The following KIF1A variants were observed in gnomAD, a reference collection of about 807,000 sequenced individuals.
KIF1A encodes the protein kinesin family member 1A.
A neutral mutation model predicts 227.3 loss-of-function variants in KIF1A; 46 were observed. That is an observed-to-expected ratio of 0.20 (90% CI 0.16 to 0.26). The LOEUF is 0.26. Among genes scored for constraint, KIF1A ranks in the 10% least tolerant of loss-of-function variants. The pLI, the probability that KIF1A is intolerant of heterozygous loss-of-function variation, is 1.00. For missense variants in KIF1A, 1,683 were observed against 2,485.9 expected, an observed-to-expected ratio of 0.68 and a Z score of 6.87; for synonymous variants, 1,022 against 1,012.8, an observed-to-expected ratio of 1.01 and a Z score of -0.17.
chr2:240,756,441 G>C (rs1273618033), intron 27 of KIF1A, among the ~76,000 whole-genome samples: 1 of 152,218 alleles, frequency 6.6e-6, no homozygotes, highest in Non-Finnish European at 1.5e-5. Context: ...AAATCTGCCA[G>C]CAGGGTGGGA....
At chr2:240,769,273 G>A in intron 16 of KIF1A, 65 bp from the exon 17 acceptor site, 2 of 1,428,098 alleles carry the variant, frequency 1.4e-6, no homozygotes, top group Non-Finnish European at 1.9e-6. Context: ...CTCAGCCCTG[G>A]CTGACCAATG....
intron 42 of KIF1A, among the ~76,000 whole-genome samples, chr2:240,722,984 G>A (rs781508853): frequency 6.6e-6 from 1 of 152,190 alleles, no homozygotes; most frequent in Non-Finnish European, 1.5e-5. Flanking sequence ...GGAGAGGGCC[G>A]AGGGGTGGGC....
intron 38 of KIF1A, chr2:240,734,615 G>T: frequency 1.3e-6 from 1 of 753,368 alleles, no homozygotes; most frequent in Non-Finnish European, 2.1e-6. Context: ...CCAGGAAGCT[G>T]GAAGTTAACT....
Position 240,763,348 on chromosome 2 carries a change from TGGG to T in KIF1A, c.1769-5_1769-3del. On this transcript the variant is annotated splice_polypyrimidine_tract_variant and splice_region_variant and intron_variant, in intron 20 of 48. Transcript: ENST00000498729. ...TCTTACCCATGATGATGCGGTTTCC[TGGG>T]GAACAGAGGGACAGGTGGCCTTGAG... The T allele has an allele frequency of 1.3e-6, 2 of 1,569,850 alleles. No homozygotes were observed. Among genetic ancestry groups the T allele is most frequent in the Non-Finnish European group, 1.7e-6 (2 of 1,158,420 alleles).
At chr2:240,781,810 C>T (rs2054065625) in intron 10 of KIF1A, 1 of 985,248 alleles carries the variant, frequency 1.0e-6, no homozygotes, top group Non-Finnish European at 1.2e-6. Context: ...GGGTTCGCCA[C>T]ACCGTTCTCC....
Position 240,763,191 on chromosome 2 carries a change from C to T in KIF1A, c.1924G>A (p.Asp642Asn). The T allele has an allele frequency of 6.2e-7, 1 of 1,611,964 alleles. No homozygotes were observed. Among genetic ancestry groups the T allele is most frequent in the Non-Finnish European group, 8.5e-7 (1 of 1,179,770 alleles). The change falls in exon 21 of 49, where the codon GAC becomes AAC. Residue 642 changes from aspartate (D) to asparagine (N), a missense_variant. Transcript: ENST00000498729. ...CTCTGCTCCATCTCCTGCTTCATGT[C>T]GATGCCCTGCTTCTCCAGCAGCTCA... is the stretch of plus-strand genomic sequence containing the variant. ...QRELLEKQGIDMKQEMEQRLQ... is the reference protein window; with the variant it reads ...QRELLEKQGINMKQEMEQRLQ...
chr2:240,796,946 T>C (rs2056468418), intron 2 of KIF1A, among the ~76,000 whole-genome samples: 1 of 152,160 alleles, frequency 6.6e-6, no homozygotes, highest in African/African-American at 2.4e-5. Flanking sequence ...GCATGTCGGA[T>C]GGGTGCACGG....
intron 2 of KIF1A, among the ~76,000 whole-genome samples, chr2:240,795,949 T>C (rs1237652581): frequency 2.6e-5 from 4 of 152,208 alleles, no homozygotes; most frequent in Non-Finnish European, 5.9e-5. Flanking sequence ...GTGCCAACCA[T>C]GGAGTTCCCC....
At position 240,757,760 on chromosome 2, in the gene KIF1A, G is replaced by A. The variant is rs1575582506; in HGVS notation, c.2583-166C>T. Among the ~76,000 whole-genome samples the A allele has an allele frequency of 2.0e-5, 3 of 152,192 alleles. No homozygotes were observed. The highest frequency in any genetic ancestry group is 3.9e-4 in the East Asian group (2 of 5,172). On this transcript the variant is annotated intron_variant, in intron 26 of 48. Transcript: ENST00000498729. This position sits in a 1 kb window ranked among gnomAD's most constrained non-coding sequence, Gnocchi z 6.2. ...TGAGAGAACCAAAACTGTGCCCCCA[G>A]GCTTGGAAAGAAATCACATGTATGG... is the stretch of plus-strand genomic sequence containing the variant.
chr2:240,813,042 T>TCACCTCAGG (rs1553642834), intron 1 of KIF1A, among the ~76,000 whole-genome samples: 3 of 149,956 alleles, frequency 2.0e-5, no homozygotes, highest in Admixed American at 6.6e-5. Flanking sequence ...AGGATCCACT[T>TCACCTCAGG]GCTCCCAGTT....
In KIF1A at chr2:240,781,698, A is replaced by T; in HGVS notation, c.882+892T>A. The T allele has an allele frequency of 4.3e-6, 4 of 927,606 alleles. No individual in the cohort carries two copies. The South Asian group carries it at 2.0e-4, about 46-fold the overall frequency. 57.5% of individuals were successfully genotyped at this position (927,606 alleles called of 1,614,324 possible). A position where few individuals can be genotyped will look rare whatever the true frequency, so the allele number is the denominator to read the frequency against. On this transcript the variant is annotated intron_variant, in intron 10 of 48. Transcript: ENST00000498729. ...TCCTCCGTCTCCCGCAGTCCCACGC[A>T]GTGTCCTGTGCCGTTTCCCACACGC... is the stretch of plus-strand genomic sequence containing the variant.
rs1024681683 is a variant in KIF1A at position 240,736,459 on chromosome 2, G to A, written c.4007+604C>T. Among the ~76,000 whole-genome samples the A allele has an allele frequency of 6.6e-6, 1 of 152,098 alleles. No homozygotes were observed. The highest frequency in any genetic ancestry group is 2.4e-5 in the African/African-American group (1 of 41,438). ...CCACCTGCCCAGGCCAACCGCAGGG[G>A]CTGCCTCCCTCTCCCATCCCCTAAC... is the stretch of plus-strand genomic sequence containing the variant. On this transcript the variant is annotated intron_variant, in intron 38 of 48. Coordinates refer to ENST00000498729, the MANE Select transcript of KIF1A (RefSeq NM_001244008.2). The surrounding 1 kb of genome is among the most constrained non-coding windows in gnomAD (Gnocchi z 4.7).
At chr2:240,783,664 C>T in intron 8 of KIF1A, 75 bp downstream of exon 8, 4 of 1,240,730 alleles carry the variant, frequency 3.2e-6, no homozygotes, top group African/African-American at 3.0e-5. Context: ...GGGACCCCAA[C>T]AGAGCCCTCC....
At chr2:240,818,341 C>A (rs1314274217) in intron 1 of KIF1A, among the ~76,000 whole-genome samples, 1 of 152,218 alleles carries the variant, frequency 6.6e-6, no homozygotes, top group Non-Finnish European at 1.5e-5. Flanking sequence ...CCACGCTGGG[C>A]CCCTCAGCCA....
At position 240,715,062 on chromosome 2, in the gene KIF1A, T is replaced by A. The variant is rs2044485092; in HGVS notation, c.*2302A>T. 1 of 152,300 alleles carries A rather than the reference T, an allele frequency of 6.6e-6. No homozygotes were observed. Among genetic ancestry groups the A allele is most frequent in the African/African-American group, 2.4e-5 (1 of 41,440 alleles). 9.4% of individuals were successfully genotyped at this position (152,300 alleles called of 1,614,324 possible). Reference sequence around the variant, plus strand: ...ACAGCCTCAGGCTGGCTGACCTGAGTTGGCCGTGGCAGGGCCTGTGCCTCC... The same window carrying A: ...ACAGCCTCAGGCTGGCTGACCTGAGATGGCCGTGGCAGGGCCTGTGCCTCC... On this transcript the variant is annotated 3_prime_UTR_variant, in exon 49 of 49. Transcript: ENST00000498729.
chr2:240,743,607 C>T (rs2048250805), intron 33 of KIF1A, among the ~76,000 whole-genome samples: 1 of 152,174 alleles, frequency 6.6e-6, no homozygotes, highest in Non-Finnish European at 1.5e-5. Context: ...GGCCCCTTTC[C>T]TGGGGTCCTC....
chr2:240,760,398 G>A (rs1445264331), intron 25 of KIF1A, among the ~76,000 whole-genome samples: 1 of 152,250 alleles, frequency 6.6e-6, no homozygotes, highest in Non-Finnish European at 1.5e-5. Flanking sequence ...GGCCTAGGGA[G>A]CATTCCCCTC....
chr2:240,736,892 T>G lies in KIF1A; in HGVS notation c.4007+171A>C, dbSNP rs1442958354. ...AGGTGCACAAACGAGGAGCCGGGGG[T>G]GCAGAGGCCACCAGCCCCTCACCGC... On this transcript the variant is annotated intron_variant, in intron 38 of 48. Coordinates refer to ENST00000498729, the MANE Select transcript of KIF1A (RefSeq NM_001244008.2). The surrounding 1 kb of genome is among the most constrained non-coding windows in gnomAD (Gnocchi z 4.7). Among the ~76,000 whole-genome samples, 1 of 151,804 alleles carries G rather than the reference T, an allele frequency of 6.6e-6. No individual in the cohort carries two copies. The highest frequency in any genetic ancestry group is 2.4e-5 in the African/African-American group (1 of 41,296).
At chr2:240,783,850 C>T (rs773250998) in intron 7 of KIF1A, 34 bp from the exon 8 acceptor site, 194 of 1,503,450 alleles carry the variant, frequency 1.3e-4, no homozygotes, top group Non-Finnish European at 1.7e-4. Context: ...GCAGGAAAGG[C>T]CACAAGATGC....
Sources: gnomAD v4.1 joint callset for allele counts (sites outside exome capture counted in the v4.1 genomes callset) on GRCh38, gnomAD v4.1.1 for gene constraint, Gnocchi (gnomAD v3.1) non-coding constraint, MANE v1.5 for transcripts, NCBI Gene and HGNC (gene_info 2026-07-23, HGNC 2026-07-21) for gene names.